The following KCNN2 variants were observed in gnomAD, a reference collection of about 807,000 sequenced individuals.
KCNN2 encodes potassium calcium-activated channel subfamily N member 2, also known as small conductance calcium-activated potassium channel protein 2.
In KCNN2, 24 loss-of-function variants were observed where a neutral mutation model predicts 55.5. That is an observed-to-expected ratio of 0.43 (90% CI 0.31 to 0.61). The LOEUF is 0.61. Ranked by LOEUF, KCNN2 falls within the 20% of genes least tolerant of loss-of-function variation. KCNN2 has a pLI of 0.08. For synonymous variants in KCNN2, 431 were observed against 336.1 expected, an observed-to-expected ratio of 1.28 and a Z score of -3.09; for missense variants, 754 against 853.6, an observed-to-expected ratio of 0.88 and a Z score of 1.45.
At chr5:114,255,069 A>G (rs1404029865) in intron 2 of KCNN2, among the ~76,000 whole-genome samples, 1 of 152,212 alleles carries the variant, frequency 6.6e-6, no homozygotes, top group Non-Finnish European at 1.5e-5. Flanking sequence ...GTAAAGGCAT[A>G]GGTATTTATG....
intron 2 of KCNN2, among the ~76,000 whole-genome samples, chr5:114,231,849 C>CTT (rs1423100454): frequency 3.3e-5 from 4 of 122,496 alleles, no homozygotes; most frequent in African/African-American, 5.7e-5. Context: ...CATAAAATGC[C>CTT]TTGTTTTTTT....
chr5:114,432,102 C>T (rs1210746617), intron 3 of KCNN2, among the ~76,000 whole-genome samples: 1 of 152,182 alleles, frequency 6.6e-6, no homozygotes, highest in Non-Finnish European at 1.5e-5. Context: ...TGATGGTGGT[C>T]CTCAATTCAA....
At position 114,362,934 on chromosome 5, in the gene KCNN2, T is replaced by TGCTGCC; in HGVS notation, c.797_798insTGCCGC (p.Ala269_Ala270dup). 1 of 1,560,874 alleles carries TGCTGCC rather than the reference T, an allele frequency of 6.4e-7. No homozygotes were observed. Among genetic ancestry groups the TGCTGCC allele is most frequent in the Non-Finnish European group, 8.6e-7 (1 of 1,161,082 alleles). On this transcript the variant is annotated inframe_insertion, in exon 1 of 8. Transcript: ENST00000673685. ...GCGCGTCCTCCCCGTCTGCAGCCGC[T>TGCTGCC]GCCGCCGCCGCCGCTGTTTCGTCCT...
At chr5:114,492,636 C>G (rs942919558) in intron 6 of KCNN2, among the ~76,000 whole-genome samples, 10 of 151,972 alleles carry the variant, frequency 6.6e-5, no homozygotes, top group African/African-American at 9.7e-5. Flanking sequence ...TCTTAATTGA[C>G]TCTTCATCAG....
chr5:114,270,888 G>C (rs1165097302), intron 2 of KCNN2, among the ~76,000 whole-genome samples: 1 of 152,134 alleles, frequency 6.6e-6, no homozygotes, highest in East Asian at 1.9e-4. Flanking sequence ...CCTTCGGGTG[G>C]GTTCGTGGTC....
intron 1 of KCNN2, among the ~76,000 whole-genome samples, chr5:114,125,597 T>C (rs1321373990): frequency 2.6e-5 from 4 of 152,130 alleles, no homozygotes; most frequent in Non-Finnish European, 4.4e-5. Context: ...GTCCACAGGG[T>C]CATACACCCT....
At chr5:114,366,980 GAT>G (rs1757620713) in intron 2 of KCNN2, among the ~76,000 whole-genome samples, 1 of 152,196 alleles carries the variant, frequency 6.6e-6, no homozygotes, top group South Asian at 2.1e-4. Flanking sequence ...TCTGGTGCAT[GAT>G]ATGATTTCTC....
intron 1 of KCNN2, among the ~76,000 whole-genome samples, chr5:114,165,851 C>A (rs1158825557): frequency 1.3e-5 from 2 of 152,026 alleles, no homozygotes; most frequent in Admixed American, 6.6e-5. Context: ...TTTGGAGAAG[C>A]CAAAAGTTAT....
chr5:114,098,683 G>T (rs1046690883), intron 1 of KCNN2, among the ~76,000 whole-genome samples: 1 of 151,986 alleles, frequency 6.6e-6, no homozygotes, highest in South Asian at 2.1e-4. Context: ...GGGACCGCTG[G>T]TCTACCACAC....
In KCNN2 at chr5:114,163,962, G is replaced by A. The variant is rs890942664; in HGVS notation, c.-270-57518G>A. On this transcript the variant is annotated intron_variant, in intron 1 of 10. Transcript: ENST00000512097. Reference sequence around the variant, plus strand: ...AGTATGCTTTATATTAGTCATGGGTGTAGAATATTGAGACCAGAAGATGTT... The same window carrying A: ...AGTATGCTTTATATTAGTCATGGGTATAGAATATTGAGACCAGAAGATGTT... Among the ~76,000 whole-genome samples, 7 of 152,230 alleles carry A rather than the reference G, an allele frequency of 4.6e-5. No individual in the cohort carries two copies. The South Asian group carries it at 1.5e-3, about 32-fold the overall frequency.
chr5:114,384,569 T>G (rs141450254), intron 2 of KCNN2, among the ~76,000 whole-genome samples: 176 of 152,352 alleles, frequency 1.2e-3, no homozygotes, highest in African/African-American at 4.1e-3. Flanking sequence ...GCATTTTCTT[T>G]GACATACTTC....
chr5:114,470,028 A>ATGAT (rs1368466330), intron 4 of KCNN2, among the ~76,000 whole-genome samples: 1 of 152,196 alleles, frequency 6.6e-6, no homozygotes, highest in Non-Finnish European at 1.5e-5. Context: ...TAATTACTAA[A>ATGAT]TGATTGGATT....
At chr5:114,293,290 C>T (rs1755936212) in intron 2 of KCNN2, among the ~76,000 whole-genome samples, 1 of 152,078 alleles carries the variant, frequency 6.6e-6, no homozygotes, top group African/African-American at 2.4e-5. Context: ...GGGAATGCTT[C>T]CAGTTTTTGC....
At chr5:114,219,850 C>CA (rs937699747) in intron 1 of KCNN2, among the ~76,000 whole-genome samples, 29 of 151,914 alleles carry the variant, frequency 1.9e-4, no homozygotes, top group African/African-American at 6.5e-4. Context: ...CAAAAATAAT[C>CA]AAAAAATAAA....
intron 3 of KCNN2, among the ~76,000 whole-genome samples, chr5:114,454,517 T>C (rs1199621530): frequency 6.6e-6 from 1 of 152,244 alleles, no homozygotes; most frequent in Non-Finnish European, 1.5e-5. Flanking sequence ...GAAGTTGTCC[T>C]GTTTCTCCAG....
At chr5:114,249,199 A>C (rs1204259065) in intron 2 of KCNN2, among the ~76,000 whole-genome samples, 2 of 152,124 alleles carry the variant, frequency 1.3e-5, no homozygotes, top group Non-Finnish European at 2.9e-5. Context: ...TTAGACATGA[A>C]CTTAAAGTTC....
intron 2 of KCNN2, among the ~76,000 whole-genome samples, chr5:114,333,366 G>A (rs1014860916): frequency 5.3e-5 from 8 of 152,046 alleles, no homozygotes; most frequent in African/African-American, 1.2e-4. Flanking sequence ...TCATTCTGCC[G>A]TGTTCTCTCT....
chr5:114,414,646 A>G (rs1361801403), intron 3 of KCNN2, among the ~76,000 whole-genome samples: 1 of 152,192 alleles, frequency 6.6e-6, no homozygotes, highest in African/African-American at 2.4e-5. Context: ...CAGGCATCAG[A>G]TATTTAAACC....
At chr5:114,345,743 A>T (rs541719270) in intron 2 of KCNN2, among the ~76,000 whole-genome samples, 1 of 152,246 alleles carries the variant, frequency 6.6e-6, no homozygotes, top group South Asian at 2.1e-4. Context: ...GCATGGCAGT[A>T]GCATCTGCTT....
Sources: gnomAD v4.1 joint callset for allele counts (sites outside exome capture counted in the v4.1 genomes callset) on GRCh38, gnomAD v4.1.1 for gene constraint, MANE v1.5 for transcripts, NCBI Gene and HGNC (gene_info 2026-07-23, HGNC 2026-07-21) for gene names.